Variants in CAMK1D observed in about 807,000 individuals in gnomAD.
CAMK1D encodes calcium/calmodulin dependent protein kinase ID.
In CAMK1D, 9 loss-of-function variants were observed where a neutral mutation model predicts 47.7. That is an observed-to-expected ratio of 0.19 (90% CI 0.11 to 0.33). The LOEUF (loss-of-function observed/expected upper bound fraction) is 0.33. Ranked by LOEUF, CAMK1D falls within the 10% of genes least tolerant of loss-of-function variation. The pLI is 1.00. For synonymous variants in CAMK1D, 184 were observed against 184.9 expected (o/e 0.99, Z 0.04); for missense variants, 291 against 488.7 (o/e 0.60, Z 3.81).
At chr10:12,370,271 G>C (rs1837966163) in intron 1 of CAMK1D, among the ~76,000 whole-genome samples, 1 of 152,148 alleles carries the variant, frequency 6.6e-6, no homozygotes, top group African/African-American at 2.4e-5. Flanking sequence ...TACACTGCCA[G>C]TCGCACAGAA....
intron 3 of CAMK1D, among the ~76,000 whole-genome samples, chr10:12,751,086 GATAAGATAAGATAAGATA>G (rs1835940165): frequency 1.2e-5 from 1 of 83,936 alleles, no homozygotes; most frequent in Non-Finnish European, 2.4e-5. Context: ...GATAAGATAA[GATAAGATAAGATAAGATA>G]AGATAAGATA....
chr10:12,608,481 A>T (rs1265049713), intron 2 of CAMK1D, among the ~76,000 whole-genome samples: 1 of 152,180 alleles, frequency 6.6e-6, no homozygotes, highest in Admixed American at 6.5e-5. Flanking sequence ...GAGATTTCAG[A>T]CTGTCAGCTT....
At chr10:12,543,390 A>C (rs1041109610) in intron 1 of CAMK1D, among the ~76,000 whole-genome samples, 4 of 152,170 alleles carry the variant, frequency 2.6e-5, no homozygotes, top group Non-Finnish European at 5.9e-5. Context: ...TAGTAAAGGT[A>C]TTAGAAACTG....
At chr10:12,370,056 G>A (rs1047098749) in intron 1 of CAMK1D, among the ~76,000 whole-genome samples, 4 of 151,360 alleles carry the variant, frequency 2.6e-5, no homozygotes, top group Admixed American at 2.6e-4. Context: ...CATTTACCAG[G>A]TGTTACATAC....
At chr10:12,700,576 T>C (rs1044131693) in intron 3 of CAMK1D, among the ~76,000 whole-genome samples, 1 of 152,224 alleles carries the variant, frequency 6.6e-6, no homozygotes, top group African/African-American at 2.4e-5. Context: ...TTAGGAGCAC[T>C]AAGTAGCTCT....
At chr10:12,793,550 T>C (rs1204748136) in intron 6 of CAMK1D, among the ~76,000 whole-genome samples, 5 of 152,274 alleles carry the variant, frequency 3.3e-5, no homozygotes, top group Admixed American at 6.5e-5. Flanking sequence ...TCTTACGGTC[T>C]GGAGGCTGGA....
chr10:12,657,007 G>T (rs947279051), intron 2 of CAMK1D, among the ~76,000 whole-genome samples: 2 of 152,198 alleles, frequency 1.3e-5, no homozygotes, highest in Non-Finnish European at 2.9e-5. Context: ...TAAGACGCAA[G>T]CTAATCTCTT....
intron 1 of CAMK1D, among the ~76,000 whole-genome samples, chr10:12,483,673 A>G (rs768256053): frequency 1.2e-4 from 18 of 151,602 alleles, no homozygotes; most frequent in Non-Finnish European, 2.1e-4. Flanking sequence ...CTCTAAAAAA[A>G]GAGATCCAAT....
chr10:12,407,027 C>T (rs541624689), intron 1 of CAMK1D, among the ~76,000 whole-genome samples: 4 of 152,178 alleles, frequency 2.6e-5, no homozygotes, highest in Non-Finnish European at 5.9e-5. Flanking sequence ...CTCCTTCAGA[C>T]CCCACCCCCA....
At chr10:12,690,853 G>T (rs540582819) in intron 3 of CAMK1D, among the ~76,000 whole-genome samples, 1 of 152,046 alleles carries the variant, frequency 6.6e-6, no homozygotes, top group African/African-American at 2.4e-5. Context: ...TTAGTAGCTG[G>T]TTTCTGTTTG....
At chr10:12,595,212 T>C (rs1045972864) in intron 2 of CAMK1D, among the ~76,000 whole-genome samples, 1 of 151,606 alleles carries the variant, frequency 6.6e-6, no homozygotes, top group Non-Finnish European at 1.5e-5. Flanking sequence ...CATGGTGGCA[T>C]GTGCCTTCAA....
intron 6 of CAMK1D, 108 bp from the exon 7 acceptor site, chr10:12,814,087 C>G (rs1210149141): frequency 1.3e-6 from 1 of 741,858 alleles, no homozygotes; most frequent in Admixed American, 2.2e-5. Context: ...CTGTGCCTTG[C>G]CAGATTTTCT....
intron 1 of CAMK1D, among the ~76,000 whole-genome samples, chr10:12,509,705 G>A (rs962975980): frequency 6.6e-6 from 1 of 152,118 alleles, no homozygotes; most frequent in South Asian, 2.1e-4. Context: ...GAGCCATAAG[G>A]GCACCACTGC....
chr10:12,754,151 A>T (rs1227181739), intron 3 of CAMK1D, among the ~76,000 whole-genome samples: 10 of 152,092 alleles, frequency 6.6e-5, no homozygotes, highest in Admixed American at 6.6e-4. Context: ...TCAGCTGCCC[A>T]AAGTGCTGGG....
rs1044426781 is a variant in CAMK1D at position 12,835,102 on chromosome 10, C to T, written c.*6215C>T. ...TCAGAGAACATTTATCTTAGTCCCA[C>T]GTTCAGGTGAGAAGACCTCAAAGGT... is the stretch of plus-strand genomic sequence containing the variant. On this transcript the variant is annotated 3_prime_UTR_variant, in exon 11 of 11. Coordinates refer to ENST00000619168, the MANE Select transcript of CAMK1D (RefSeq NM_153498.4). 8 of 152,176 alleles carry T rather than the reference C, an allele frequency of 5.3e-5. No homozygotes were observed. Among genetic ancestry groups the T allele is most frequent in the African/African-American group, 1.9e-4 (8 of 41,450 alleles). The allele number at this position is 152,176 out of a possible 1,614,324, so 9.4% of individuals were successfully genotyped here.
intron 1 of CAMK1D, among the ~76,000 whole-genome samples, chr10:12,364,900 T>G (rs7074893): frequency 0.067 from 10,188 of 151,970 alleles, 457 homozygotes; most frequent in Non-Finnish European, 0.087. Flanking sequence ...GTCAGGAGTC[T>G]GGGTTTGAGT....
intron 1 of CAMK1D, among the ~76,000 whole-genome samples, chr10:12,355,221 T>C (rs1039751503): frequency 6.6e-6 from 1 of 152,160 alleles, no homozygotes; most frequent in Non-Finnish European, 1.5e-5. Flanking sequence ...TTTGTGTCAA[T>C]AGCAGTGTGT....
intron 1 of CAMK1D, among the ~76,000 whole-genome samples, chr10:12,479,527 G>GTGC (rs1275244452): frequency 2.0e-5 from 3 of 152,310 alleles, no homozygotes; most frequent in East Asian, 3.9e-4. Flanking sequence ...TTCCCCAGCA[G>GTGC]TGCTGCTGCT....
At chr10:12,596,269 G>A (rs935967911) in intron 2 of CAMK1D, among the ~76,000 whole-genome samples, 2 of 152,072 alleles carry the variant, frequency 1.3e-5, no homozygotes, top group Non-Finnish European at 2.9e-5. Flanking sequence ...AAACAGAAGA[G>A]GTTCAGAGAT....
Sources: gnomAD v4.1 joint callset for allele counts (sites outside exome capture counted in the v4.1 genomes callset) on GRCh38, gnomAD v4.1.1 for gene constraint, MANE v1.5 for transcripts, NCBI Gene and HGNC (gene_info 2026-07-23, HGNC 2026-07-21) for gene names.